The following ANKMY1 variants were observed in gnomAD, a reference collection of about 807,000 sequenced individuals.
The protein encoded by ANKMY1 is ankyrin repeat and MYND domain-containing protein 1.
In ANKMY1, 98 loss-of-function variants were observed where a neutral mutation model predicts 102.0. The ratio of observed to expected loss-of-function variants is 0.96; its 90% confidence interval spans 0.82 to 1.14. The LOEUF (loss-of-function observed/expected upper bound fraction) is 1.14, where lower values mean the gene tolerates loss of function less well. Ranked by LOEUF, ANKMY1 falls within the 50% of genes most tolerant of loss-of-function variation. The pLI, the probability that ANKMY1 is intolerant of heterozygous loss-of-function variation, is 0.00. For synonymous variants in ANKMY1, 582 were observed against 559.9 expected (o/e 1.04, Z -0.56); for missense variants, 1,330 against 1,347.6 (o/e 0.99, Z 0.20).
rs536996814 is a variant in ANKMY1 at position 240,500,694 on chromosome 2, T to C, written c.2527-129A>G. 1.3e-4 allele frequency: 88 copies of C among 699,238 alleles called. 1 individual carries two copies. The South Asian group carries it at 1.5e-3, about 12-fold the overall frequency. The allele number at this position is 699,238 out of a possible 1,614,324, so 43.3% of individuals were successfully genotyped here. ...AGGCCGCCCTTGCAGTGTGCGGGAA[T>C]GCCCATGAGACAAACGGGGAGAGGG... On this transcript the variant is annotated intron_variant, in intron 13 of 17. Transcript: ENST00000401804.
chr2:240,531,893 C>T (rs1263206708), intron 4 of ANKMY1, among the ~76,000 whole-genome samples: 1 of 152,026 alleles, frequency 6.6e-6, no homozygotes, highest in African/African-American at 2.4e-5. Flanking sequence ...CAAATTTTAT[C>T]TCAATAAAAC....
intron 5 of ANKMY1, among the ~76,000 whole-genome samples, chr2:240,528,223 T>C (rs1049499080): frequency 1.6e-4 from 24 of 151,738 alleles, no homozygotes; most frequent in African/African-American, 5.1e-4. Context: ...GAGGCGGAGG[T>C]TGCAGTGAGC....
chr2:240,501,215 T>C (rs1311873098), intron 13 of ANKMY1, among the ~76,000 whole-genome samples: 1 of 150,954 alleles, frequency 6.6e-6, no homozygotes, highest in Non-Finnish European at 1.5e-5. Flanking sequence ...CGTGCATGCG[T>C]GTCTGTGCAT....
chr2:240,487,751 T>C (rs530108803), intron 15 of ANKMY1, among the ~76,000 whole-genome samples: 1 of 152,302 alleles, frequency 6.6e-6, no homozygotes, highest in East Asian at 1.9e-4. Flanking sequence ...GAGCATTTTT[T>C]CATACACCCA....
At chr2:240,543,144 T>C (rs2089428125) in intron 4 of ANKMY1, among the ~76,000 whole-genome samples, 1 of 151,736 alleles carries the variant, frequency 6.6e-6, no homozygotes, top group African/African-American at 2.4e-5. Context: ...GGTCAGGAGA[T>C]GGAGACCATC....
intron 2 of ANKMY1, chr2:240,555,404 G>A (rs910450000): frequency 7.0e-6 from 2 of 285,976 alleles, no homozygotes; most frequent in East Asian, 6.8e-5. Flanking sequence ...CAGGACGTGG[G>A]TGCCCACAGC....
In ANKMY1 at chr2:240,520,624, G is replaced by T; in HGVS notation, c.1833-91C>A. On this transcript the variant is annotated intron_variant, in intron 8 of 17. Transcript: ENST00000401804. This position sits in a 1 kb window ranked among gnomAD's most constrained non-coding sequence, Gnocchi z 4.8. ...CCATGCCAGCGAGGAGGCTGGGGAG[G>T]GGCGCGTAGGGAGTATGTGTGTGCC... 1 of 1,448,620 alleles carries T rather than the reference G, an allele frequency of 6.9e-7. No homozygotes were observed. The highest frequency in any genetic ancestry group is 2.5e-5 in the Admixed American group (1 of 40,276). 89.7% of individuals were successfully genotyped at this position (1,448,620 alleles called of 1,614,324 possible). A position where few individuals can be genotyped will look rare whatever the true frequency, so the allele number is the denominator to read the frequency against.
At chr2:240,533,718 A>AAC (rs34916770) in intron 4 of ANKMY1, among the ~76,000 whole-genome samples, 6,393 of 145,556 alleles carry the variant, frequency 0.044, 202 homozygotes, top group African/African-American at 0.091. Context: ...GATTTCAATA[A>AAC]ACACACACAC....
At chr2:240,548,814 G>A (rs1021049590) in intron 4 of ANKMY1, among the ~76,000 whole-genome samples, 5 of 149,452 alleles carry the variant, frequency 3.3e-5, no homozygotes, top group African/African-American at 1.2e-4. Flanking sequence ...CAAGGGATGT[G>A]AAGGACCTCT....
At chr2:240,482,089 T>C (rs370443381) in intron 16 of ANKMY1, 94 bp downstream of exon 16, 2 of 1,374,688 alleles carry the variant, frequency 1.5e-6, no homozygotes, top group East Asian at 2.4e-5. Flanking sequence ...GCATGGAGGC[T>C]GTCCCGGGAT....
At chr2:240,544,032 T>C (rs917429307) in intron 4 of ANKMY1, among the ~76,000 whole-genome samples, 5 of 152,318 alleles carry the variant, frequency 3.3e-5, no homozygotes, top group Non-Finnish European at 5.9e-5. Context: ...AGAAAAAGAA[T>C]AATTTTGTCC....
chr2:240,533,123 A>T (rs544705777), intron 4 of ANKMY1, among the ~76,000 whole-genome samples: 19 of 152,382 alleles, frequency 1.2e-4, no homozygotes, highest in African/African-American at 4.6e-4. Context: ...CGTATCTATA[A>T]ATACTAGAAT....
intron 12 of ANKMY1, among the ~76,000 whole-genome samples, chr2:240,509,055 T>C (rs1362425221): frequency 6.6e-6 from 1 of 150,820 alleles, no homozygotes; most frequent in Non-Finnish European, 1.5e-5. Context: ...AATGGATGAG[T>C]GGAGGGTAGA....
chr2:240,509,377 A>G lies in ANKMY1; in HGVS notation c.2365T>C (p.Ser789Pro). Residue 789 changes from serine (S) to proline (P), a missense_variant, in exon 12 of 18, where the codon TCC becomes CCC. Transcript: ENST00000401804. ...TCATTCCCACTGGCAATGGACAGGGAGAGCGGGGAGTGGCCACTCCACAGC... is the reference window on the plus strand; with the variant it reads ...TCATTCCCACTGGCAATGGACAGGGGGAGCGGGGAGTGGCCACTCCACAGC... ...NLLWSGHSPLSLSIASGNELV... is the reference protein window; with the variant it reads ...NLLWSGHSPLPLSIASGNELV... 3 of 1,613,666 alleles carry G rather than the reference A, an allele frequency of 1.9e-6. No individual in the cohort carries two copies. Among genetic ancestry groups the G allele is most frequent in the Middle Eastern group, 1.7e-4 (1 of 6,006 alleles).
At chr2:240,552,749 T>C in intron 4 of ANKMY1, 165 bp downstream of exon 4, 1 of 1,102,428 alleles carries the variant, frequency 9.1e-7, no homozygotes, top group Non-Finnish European at 1.3e-6. Flanking sequence ...GGCTTTTATT[T>C]TCAGTCTATA....
intron 12 of ANKMY1, among the ~76,000 whole-genome samples, chr2:240,508,228 G>A (rs1221604439): frequency 6.6e-6 from 1 of 152,272 alleles, no homozygotes; most frequent in East Asian, 1.9e-4. Flanking sequence ...GACAGCCGTG[G>A]CCAGACACGG....
intron 6 of ANKMY1, 158 bp downstream of exon 6, chr2:240,526,071 G>A: frequency 2.0e-6 from 2 of 1,013,508 alleles, no homozygotes; most frequent in Non-Finnish European, 2.9e-6. Context: ...ACTCAGCTGA[G>A]TGGGTTTCTG....
At chr2:240,508,755 G>A (rs973741956) in intron 12 of ANKMY1, among the ~76,000 whole-genome samples, 1 of 109,784 alleles carries the variant, frequency 9.1e-6, no homozygotes, top group African/African-American at 3.7e-5. Flanking sequence ...TTAAATGATA[G>A]ATGGATGAAT....
chr2:240,539,442 A>G (rs756431685), intron 4 of ANKMY1, among the ~76,000 whole-genome samples: 2 of 152,210 alleles, frequency 1.3e-5, no homozygotes, highest in African/African-American at 4.8e-5. Context: ...GAAACTATGA[A>G]CACGTCCAAA....
Sources: gnomAD v4.1 joint callset for allele counts (sites outside exome capture counted in the v4.1 genomes callset) on GRCh38, gnomAD v4.1.1 for gene constraint, Gnocchi (gnomAD v3.1) non-coding constraint, MANE v1.5 for transcripts, NCBI Gene and HGNC (gene_info 2026-07-23, HGNC 2026-07-21) for gene names.